CTNNA3: variants seen among roughly 807,000 people sequenced by gnomAD.
CTNNA3 encodes the protein catenin alpha-3.
CTNNA3 carries 76 observed loss-of-function variants against 95.7 expected under a neutral mutation model. That is an observed-to-expected ratio of 0.79 (90% CI 0.66 to 0.96). The LOEUF (loss-of-function observed/expected upper bound fraction) is 0.96. CTNNA3 is among the 40% of genes least tolerant of loss of function. The pLI is 0.00. For missense variants in CTNNA3, 1,191 were observed against 1,089.8 expected, an observed-to-expected ratio of 1.09 and a Z score of -1.31; for synonymous variants, 431 against 374.4, an observed-to-expected ratio of 1.15 and a Z score of -1.74.
chr10:66,919,329 T>C (rs1302175512), intron 7 of CTNNA3, among the ~76,000 whole-genome samples: 1 of 152,090 alleles, frequency 6.6e-6, no homozygotes, highest in Non-Finnish European at 1.5e-5. Context: ...CCTTTCCTAC[T>C]GAAAGGAAGA....
intron 4 of CTNNA3, among the ~76,000 whole-genome samples, chr10:67,524,212 G>A (rs1321957178): frequency 7.2e-5 from 11 of 151,884 alleles, no homozygotes; most frequent in Non-Finnish European, 2.9e-5. Context: ...GACTATCCTG[G>A]CTAACACGGT....
At chr10:67,752,803 T>C (rs990886355) in intron 1 of CTNNA3, among the ~76,000 whole-genome samples, 2 of 152,174 alleles carry the variant, frequency 1.3e-5, no homozygotes, top group African/African-American at 4.8e-5. Flanking sequence ...TACAAACCAC[T>C]GCTCAACGAA....
intron 9 of CTNNA3, among the ~76,000 whole-genome samples, chr10:66,751,400 T>A (rs1839133535): frequency 6.6e-6 from 1 of 152,218 alleles, no homozygotes; most frequent in Non-Finnish European, 1.5e-5. Flanking sequence ...TTTTAGTCAA[T>A]GCTTTGGATT....
chr10:66,526,333 G>A (rs889700293), intron 10 of CTNNA3, among the ~76,000 whole-genome samples: 8 of 152,078 alleles, frequency 5.3e-5, no homozygotes, highest in East Asian at 1.9e-4. Context: ...CCACAAATGC[G>A]CACCACCACA....
At chr10:66,714,473 T>G (rs1193671845) in intron 9 of CTNNA3, among the ~76,000 whole-genome samples, 1 of 152,162 alleles carries the variant, frequency 6.6e-6, no homozygotes, top group Non-Finnish European at 1.5e-5. Context: ...CTCAAAACTC[T>G]TATTTAGACC....
intron 13 of CTNNA3, among the ~76,000 whole-genome samples, chr10:66,122,373 T>C (rs10996916): frequency 0.16 from 23,758 of 152,074 alleles, 2,176 homozygotes; most frequent in Middle Eastern, 0.23. Flanking sequence ...AGGTGTAACA[T>C]ACATTACATG....
At chr10:66,267,059 G>A (rs1323428837) in intron 13 of CTNNA3, among the ~76,000 whole-genome samples, 1 of 151,818 alleles carries the variant, frequency 6.6e-6, no homozygotes, top group Non-Finnish European at 1.5e-5. Context: ...TAAATATTAG[G>A]CGGCTTAAGG....
At chr10:67,207,417 AT>A (rs1863951384) in intron 6 of CTNNA3, among the ~76,000 whole-genome samples, 1 of 152,154 alleles carries the variant, frequency 6.6e-6, no homozygotes, top group Non-Finnish European at 1.5e-5. Flanking sequence ...TAAATTTCAG[AT>A]AGAACTTTAT....
rs543600690 is a variant in CTNNA3 at position 67,539,722 on chromosome 10, T to C, written c.293-53A>G. 25 of 1,531,964 alleles carry C rather than the reference T, an allele frequency of 1.6e-5. No individual in the cohort carries two copies. The African/African-American group carries it at 3.3e-4, about 20-fold the overall frequency. 94.9% of individuals were successfully genotyped at this position (1,531,964 alleles called of 1,614,324 possible). ...TACTTTAAGTTTCAACTATGCCTAT[T>C]TCAGGATTTATCAGCTAACCTAATT... On this transcript the variant is annotated intron_variant, in intron 3 of 17. Transcript: ENST00000433211.
chr10:66,418,871 T>C (rs1033698962), intron 11 of CTNNA3, among the ~76,000 whole-genome samples: 1 of 152,086 alleles, frequency 6.6e-6, no homozygotes, highest in Admixed American at 6.6e-5. Flanking sequence ...AGAATAAACA[T>C]GCCTCAAAAA....
intron 9 of CTNNA3, among the ~76,000 whole-genome samples, chr10:66,657,434 A>G (rs1382525922): frequency 6.6e-6 from 1 of 152,148 alleles, no homozygotes; most frequent in Non-Finnish European, 1.5e-5. Context: ...AACAACACAC[A>G]TCCCAATTCA....
intron 10 of CTNNA3, among the ~76,000 whole-genome samples, chr10:66,587,076 G>A (rs1843383487): frequency 6.6e-6 from 1 of 152,124 alleles, no homozygotes; most frequent in Non-Finnish European, 1.5e-5. Flanking sequence ...ACCTCTGATG[G>A]GGGTGGGTGG....
chr10:66,738,602 A>G (rs1849224523), intron 9 of CTNNA3, among the ~76,000 whole-genome samples: 1 of 152,198 alleles, frequency 6.6e-6, no homozygotes, highest in African/African-American at 2.4e-5. Context: ...CTTTCTGTAG[A>G]AAGAGTTTGG....
intron 11 of CTNNA3, among the ~76,000 whole-genome samples, chr10:66,379,795 A>G (rs2092822988): frequency 6.6e-6 from 1 of 152,212 alleles, no homozygotes; most frequent in African/African-American, 2.4e-5. Context: ...AATTCCAGAG[A>G]AAGTTGCCTA....
At chr10:66,855,978 AT>A (rs1342331527) in intron 7 of CTNNA3, among the ~76,000 whole-genome samples, 3 of 151,936 alleles carry the variant, frequency 2.0e-5, no homozygotes, top group Admixed American at 6.6e-5. Context: ...CAGGTTTGTT[AT>A]GTGAATAAAT....
rs772632244 is a variant in CTNNA3, at chr10:66,422,877, C to CCG, written c.1532-43526_1532-43525insCG. 4.9e-3 allele frequency among the ~76,000 whole-genome samples: 751 copies of CCG among 151,814 alleles called. 6 individuals carry two copies. Among genetic ancestry groups the CCG allele is most frequent in the African/African-American group, 0.012 (496 of 41,394 alleles). On this transcript the variant is annotated intron_variant, in intron 11 of 17. Coordinates refer to ENST00000433211, the MANE Select transcript of CTNNA3 (RefSeq NM_013266.4). Reference sequence around the variant, plus strand: ...ACCCCTGACCTCAAGTGATCCACCTCCCTCGGCCTACCAAAGTGCTGGAAT... The same window carrying CCG: ...ACCCCTGACCTCAAGTGATCCACCTCCGCCTCGGCCTACCAAAGTGCTGGAAT...
chr10:66,430,257 T>C (rs1268010632), intron 11 of CTNNA3, among the ~76,000 whole-genome samples: 10 of 151,704 alleles, frequency 6.6e-5, no homozygotes, highest in African/African-American at 1.9e-4. Context: ...TAAAGGAGGA[T>C]ACAAACAAAT....
intron 1 of CTNNA3, among the ~76,000 whole-genome samples, chr10:67,738,462 A>C (rs915978795): frequency 5.9e-5 from 9 of 152,218 alleles, no homozygotes; most frequent in Non-Finnish European, 1.0e-4. Flanking sequence ...CAAAGACCAA[A>C]GGTAGATAAA....
chr10:66,321,441 A>C (rs2092184201), intron 12 of CTNNA3, among the ~76,000 whole-genome samples: 2 of 152,134 alleles, frequency 1.3e-5, no homozygotes, highest in Non-Finnish European at 2.9e-5. Context: ...TTAACTGTGC[A>C]ATTAAAGTGA....
Sources: gnomAD v4.1 joint callset for allele counts (sites outside exome capture counted in the v4.1 genomes callset) on GRCh38, gnomAD v4.1.1 for gene constraint, MANE v1.5 for transcripts, NCBI Gene and HGNC (gene_info 2026-07-23, HGNC 2026-07-21) for gene names.